EXOC4: variants seen among roughly 807,000 people sequenced by gnomAD.
The protein encoded by EXOC4 is exocyst complex component 4.
A neutral mutation model predicts 107.2 loss-of-function variants in EXOC4; 71 were observed. The observed-to-expected ratio is 0.66, with a 90% CI of 0.55 to 0.81. The LOEUF (loss-of-function observed/expected upper bound fraction) is 0.81, where lower values mean the gene tolerates loss of function less well. EXOC4 is among the 30% of genes least tolerant of loss of function. EXOC4 has a pLI of 0.00. For missense variants in EXOC4, 1,108 were observed against 1,189.6 expected, an observed-to-expected ratio of 0.93 and a Z score of 1.01; for synonymous variants, 456 against 441.2, an observed-to-expected ratio of 1.03 and a Z score of -0.42.
intron 17 of EXOC4, among the ~76,000 whole-genome samples, chr7:134,058,546 T>G (rs1795982603): frequency 6.6e-6 from 1 of 152,246 alleles, no homozygotes; most frequent in African/African-American, 2.4e-5. Context: ...ATTTACAACA[T>G]GACTGCATTA....
chr7:133,613,077 A>G (rs1221226931), intron 9 of EXOC4, among the ~76,000 whole-genome samples: 1 of 152,172 alleles, frequency 6.6e-6, no homozygotes, highest in Non-Finnish European at 1.5e-5. Context: ...TGTGTAGTCT[A>G]GAAATATCAG....
chr7:133,988,363 G>C (rs1563082193), intron 14 of EXOC4, among the ~76,000 whole-genome samples: 1 of 152,120 alleles, frequency 6.6e-6, no homozygotes, highest in Admixed American at 6.5e-5. Flanking sequence ...ATGGCAAGTT[G>C]CTCCTTCTTT....
At chr7:134,073,161 A>T in the EXOC4 span, among the ~76,000 whole-genome samples, 1 of 125,426 alleles carries the variant, frequency 8.0e-6, no homozygotes, top group Non-Finnish European at 1.6e-5. Flanking sequence ...AGCCAAGACC[A>T]TGCCATTGCA....
chr7:133,687,322 G>T (rs1794327614), intron 10 of EXOC4, among the ~76,000 whole-genome samples: 1 of 151,558 alleles, frequency 6.6e-6, no homozygotes. Context: ...TCAGGTGATG[G>T]GTGCACCAAA....
chr7:133,830,664 G>A (rs1797790010), intron 11 of EXOC4, among the ~76,000 whole-genome samples: 1 of 152,112 alleles, frequency 6.6e-6, no homozygotes, highest in Admixed American at 6.5e-5. Context: ...AAATTGCAAA[G>A]ACAGTACAAA....
At chr7:133,970,298 C>T (rs556658899) in intron 14 of EXOC4, among the ~76,000 whole-genome samples, 302 of 152,130 alleles carry the variant, frequency 2.0e-3, no homozygotes, top group Non-Finnish European at 3.5e-3. Flanking sequence ...GGGTGGGATC[C>T]GCTGAGCTAG....
chr7:133,527,789 T>C (rs1800108551), intron 9 of EXOC4, among the ~76,000 whole-genome samples: 1 of 152,214 alleles, frequency 6.6e-6, no homozygotes, highest in South Asian at 2.1e-4. Context: ...CAGTCATCAG[T>C]ATTCCCAAAT....
Position 134,065,246 on chromosome 7 carries a change from T to C in EXOC4, c.*718T>C, listed in dbSNP as rs950337746. ...CAAGAGCCAGACAATTAGACAACTA[T>C]GGAGGAATGAAAGGCAATTCAAACA... On this transcript the variant is annotated 3_prime_UTR_variant, in exon 18 of 18. Coordinates refer to ENST00000253861, the MANE Select transcript of EXOC4 (RefSeq NM_021807.4). The C allele has an allele frequency of 6.6e-6, 1 of 152,230 alleles. No homozygotes were observed. Among genetic ancestry groups the C allele is most frequent in the Non-Finnish European group, 1.5e-5 (1 of 68,036 alleles). 9.4% of individuals were successfully genotyped at this position (152,230 alleles called of 1,614,324 possible). A position where few individuals can be genotyped will look rare whatever the true frequency, so the allele number is the denominator to read the frequency against.
At chr7:133,281,380 A>G (rs1794136278) in intron 2 of EXOC4, among the ~76,000 whole-genome samples, 2 of 150,530 alleles carry the variant, frequency 1.3e-5, no homozygotes, top group South Asian at 4.2e-4. Flanking sequence ...AAAAGACTCC[A>G]TGGAAAAAAT....
intron 9 of EXOC4, among the ~76,000 whole-genome samples, chr7:133,506,683 A>G (rs1420115681): frequency 6.6e-6 from 1 of 152,122 alleles, no homozygotes; most frequent in Non-Finnish European, 1.5e-5. Context: ...ACTTCTTTCA[A>G]AATCTATGGA....
chr7:134,091,855 G>C, the EXOC4 span, among the ~76,000 whole-genome samples: 1 of 152,064 alleles, frequency 6.6e-6, no homozygotes, highest in Non-Finnish European at 1.5e-5. Context: ...GTGTACCCCT[G>C]TGTTTAAACC....
chr7:133,543,476 CT>C (rs1800420762), intron 9 of EXOC4, among the ~76,000 whole-genome samples: 2 of 152,044 alleles, frequency 1.3e-5, no homozygotes, highest in South Asian at 4.1e-4. Context: ...AATTCCATTT[CT>C]CCTGAGTTGC....
At chr7:134,082,005 G>A in the EXOC4 span, among the ~76,000 whole-genome samples, 1 of 152,292 alleles carries the variant, frequency 6.6e-6, no homozygotes, top group Admixed American at 6.5e-5. Flanking sequence ...GTAAACTGAG[G>A]TTGTTACCAG....
chr7:133,330,913 A>G (rs1340915183), intron 5 of EXOC4, among the ~76,000 whole-genome samples: 1 of 150,510 alleles, frequency 6.6e-6, no homozygotes, highest in Non-Finnish European at 1.5e-5. Flanking sequence ...CTTGCCAGCA[A>G]TCTGTGGGTG....
intron 10 of EXOC4, among the ~76,000 whole-genome samples, chr7:133,688,243 C>T (rs1250109717): frequency 6.6e-6 from 1 of 152,106 alleles, no homozygotes; most frequent in Non-Finnish European, 1.5e-5. Flanking sequence ...AAATGTTGCT[C>T]TCTGTGTAGG....
chr7:133,650,945 T>G (rs1277256940), intron 10 of EXOC4, among the ~76,000 whole-genome samples: 2 of 74,378 alleles, frequency 2.7e-5, no homozygotes, highest in African/African-American at 9.1e-5. Flanking sequence ...CAGTTTTTTT[T>G]TTTTTTTTTT....
At chr7:133,929,172 C>T (rs1800119747) in intron 13 of EXOC4, among the ~76,000 whole-genome samples, 1 of 151,966 alleles carries the variant, frequency 6.6e-6, no homozygotes, top group Non-Finnish European at 1.5e-5. Context: ...ACTTCGTGAT[C>T]TATTCGCCTT....
intron 10 of EXOC4, among the ~76,000 whole-genome samples, chr7:133,724,118 T>A (rs375714281): frequency 6.6e-6 from 1 of 152,202 alleles, no homozygotes; most frequent in Non-Finnish European, 1.5e-5. Flanking sequence ...AGATTATTGA[T>A]TATAATTAAA....
chr7:133,943,704 G>A (rs899868533), intron 14 of EXOC4, among the ~76,000 whole-genome samples: 10 of 152,040 alleles, frequency 6.6e-5, no homozygotes, highest in Admixed American at 5.9e-4. Context: ...CATATTATTG[G>A]CAAATTTGCA....
Sources: allele counts gnomAD v4.1 joint callset (sites outside exome capture counted in the v4.1 genomes callset), GRCh38; gene constraint gnomAD v4.1.1; transcripts MANE v1.5; gene names NCBI Gene and HGNC (gene_info 2026-07-23, HGNC 2026-07-21).